Variants in LRRFIP1 observed in about 807,000 individuals in gnomAD.
LRRFIP1 encodes the protein leucine-rich repeat flightless-interacting protein 1.
A neutral mutation model predicts 104.4 loss-of-function variants in LRRFIP1; 62 were observed. That is an observed-to-expected ratio of 0.59 (90% CI 0.48 to 0.73). The LOEUF is 0.73. LRRFIP1 is among the 30% of genes least tolerant of loss of function. The pLI is 0.00. For missense variants in LRRFIP1, 796 were observed against 824.5 expected, an observed-to-expected ratio of 0.97 and a Z score of 0.42; for synonymous variants, 300 against 299.0, an observed-to-expected ratio of 1.00 and a Z score of -0.03.
chr2:237,733,858 C>T, intron 9 of LRRFIP1, 40 bp downstream of exon 9: 1 of 1,609,778 alleles, frequency 6.2e-7, no homozygotes, highest in East Asian at 2.2e-5. Context: ...CACCCCCTCC[C>T]ACTGTGCATG....
intron 1 of LRRFIP1, among the ~76,000 whole-genome samples, chr2:237,644,834 A>G (rs1038228448): frequency 5.3e-5 from 8 of 152,206 alleles, no homozygotes; most frequent in East Asian, 1.9e-4. Context: ...GCTCTTAGGT[A>G]TCTTGTAGAA....
intron 1 of LRRFIP1, among the ~76,000 whole-genome samples, chr2:237,681,241 T>C (rs978864528): frequency 2.6e-5 from 4 of 152,220 alleles, no homozygotes; most frequent in African/African-American, 9.7e-5. Context: ...ATTCTGACAA[T>C]ATCCAAGGGT....
At chr2:237,660,896 T>C (rs541471840) in intron 1 of LRRFIP1, among the ~76,000 whole-genome samples, 1 of 152,090 alleles carries the variant, frequency 6.6e-6, no homozygotes, top group East Asian at 1.9e-4. Context: ...ATATATTCCA[T>C]CACCTTCAAT....
In LRRFIP1 at chr2:237,772,207, CA is replaced by C. The variant is rs767856814; in HGVS notation, c.1627+11del. On this transcript the variant is annotated intron_variant, in intron 21 of 23. Transcript: ENST00000308482. ...TGTAATGGACCTACAAAGTAAATGT[CA>C]ATTCTTGTGTAGAAGTAAATGCTTT... The C allele has an allele frequency of 6.3e-7, 1 of 1,594,408 alleles. No individual in the cohort carries two copies. The highest frequency in any genetic ancestry group is 8.6e-7 in the Non-Finnish European group (1 of 1,162,136).
chr2:237,648,296 C>T (rs894199008), intron 1 of LRRFIP1, among the ~76,000 whole-genome samples: 2 of 151,836 alleles, frequency 1.3e-5, no homozygotes, highest in South Asian at 2.1e-4. Context: ...CATGTTTTCC[C>T]GACAACTGCT....
intron 1 of LRRFIP1, among the ~76,000 whole-genome samples, chr2:237,645,947 C>G (rs1172649618): frequency 6.6e-6 from 1 of 151,972 alleles, no homozygotes; most frequent in Non-Finnish European, 1.5e-5. Context: ...GCCTGCTTCT[C>G]CACTCCTGTG....
At chr2:237,762,505 A>G (rs1046992276) in intron 19 of LRRFIP1, 5 of 898,004 alleles carry the variant, frequency 5.6e-6, no homozygotes, top group Non-Finnish European at 8.4e-6. Flanking sequence ...CTTTAGGAAT[A>G]GGGGTGGGTG....
intron 1 of LRRFIP1, among the ~76,000 whole-genome samples, 174 bp downstream of exon 1, chr2:237,627,914 G>T (rs1443476593): frequency 1.3e-5 from 2 of 150,612 alleles, no homozygotes; most frequent in Admixed American, 6.6e-5. Context: ...CAGGCGCTGC[G>T]CCCCGGCCCC....
At chr2:237,704,868 T>TGG (rs1181171378) in intron 1 of LRRFIP1, among the ~76,000 whole-genome samples, 1 of 152,200 alleles carries the variant, frequency 6.6e-6, no homozygotes, top group Non-Finnish European at 1.5e-5. Context: ...GATTCATCCA[T>TGG]GGGGTTCCTT....
intron 1 of LRRFIP1, among the ~76,000 whole-genome samples, chr2:237,699,870 C>G (rs907627271): frequency 3.3e-5 from 5 of 152,208 alleles, no homozygotes; most frequent in African/African-American, 7.2e-5. Flanking sequence ...CCCAGAGTGC[C>G]CTGTGCCTGG....
chr2:237,764,137 C>T (rs12622414), intron 19 of LRRFIP1: 2 of 1,614,124 alleles, frequency 1.2e-6, no homozygotes, highest in Non-Finnish European at 1.7e-6. Context: ...GTACCATGTC[C>T]TAAGCTGAGG....
intron 13 of LRRFIP1, 86 bp from the exon 14 acceptor site, chr2:237,751,114 A>G (rs905469745): frequency 1.5e-5 from 14 of 916,774 alleles, no homozygotes; most frequent in Non-Finnish European, 1.7e-6. Context: ...AGACTACCCA[A>G]ATAGAAACTA....
At chr2:237,743,392 A>G (rs1282682962) in intron 11 of LRRFIP1, among the ~76,000 whole-genome samples, 2 of 152,220 alleles carry the variant, frequency 1.3e-5, no homozygotes, top group African/African-American at 2.4e-5. Flanking sequence ...TTCAGTGTCC[A>G]GAGACCACCA....
chr2:237,645,286 A>G (rs549407888), intron 1 of LRRFIP1, among the ~76,000 whole-genome samples: 1 of 152,354 alleles, frequency 6.6e-6, no homozygotes, highest in East Asian at 1.9e-4. Flanking sequence ...CGGTGCAACC[A>G]GTGAACTTGA....
At chr2:237,694,650 A>G (rs1377974323) in intron 1 of LRRFIP1, among the ~76,000 whole-genome samples, 1 of 152,216 alleles carries the variant, frequency 6.6e-6, no homozygotes, top group Admixed American at 6.5e-5. Context: ...ACCCATGCAG[A>G]GGAGAGCCGG....
chr2:237,725,602 T>G (rs2094715183), intron 7 of LRRFIP1, among the ~76,000 whole-genome samples: 1 of 152,166 alleles, frequency 6.6e-6, no homozygotes, highest in Admixed American at 6.5e-5. Context: ...GTCAACAAGA[T>G]CCTATAGATT....
intron 1 of LRRFIP1, among the ~76,000 whole-genome samples, chr2:237,694,923 A>G (rs2093066285): frequency 6.6e-6 from 1 of 152,216 alleles, no homozygotes; most frequent in African/African-American, 2.4e-5. Flanking sequence ...GTCCCAAGAA[A>G]GGGCTGTTAG....
intron 13 of LRRFIP1, among the ~76,000 whole-genome samples, chr2:237,750,881 A>G (rs77281599): frequency 0.022 from 3,378 of 152,270 alleles, 129 homozygotes; most frequent in African/African-American, 0.077. Flanking sequence ...AGGAACTCCT[A>G]GTGCTTGAAT....
chr2:237,632,735 C>T (rs1256106967), intron 1 of LRRFIP1, among the ~76,000 whole-genome samples: 6 of 152,140 alleles, frequency 3.9e-5, no homozygotes, highest in Non-Finnish European at 8.8e-5. Flanking sequence ...GGAAACTTCG[C>T]TCTACCTCTC....
Sources: allele counts gnomAD v4.1 joint callset (sites outside exome capture counted in the v4.1 genomes callset), GRCh38; gene constraint gnomAD v4.1.1; transcripts MANE v1.5; gene names NCBI Gene and HGNC (gene_info 2026-07-23, HGNC 2026-07-21).